The following PTPRQ variants were observed in gnomAD, a reference collection of about 807,000 sequenced individuals.
The protein encoded by PTPRQ is phosphatidylinositol phosphatase PTPRQ.
PTPRQ carries 199 observed loss-of-function variants against 246.0 expected under a neutral mutation model. The ratio of observed to expected loss-of-function variants is 0.81; its 90% CI spans 0.72 to 0.91. The LOEUF (loss-of-function observed/expected upper bound fraction) is 0.91. Ranked by LOEUF, PTPRQ falls within the 40% of genes least tolerant of loss-of-function variation. The probability of loss-of-function intolerance (pLI) is 0.00; values close to 1 mark genes in which losing one functional copy is unlikely to be tolerated. For synonymous variants in PTPRQ, 869 were observed against 853.2 expected (o/e 1.02, Z -0.32); for missense variants, 2,624 against 2,528.4 (o/e 1.04, Z -0.81).
intron 26 of PTPRQ, among the ~76,000 whole-genome samples, chr12:80,590,681 A>AC (rs1897768548): frequency 6.6e-6 from 1 of 150,548 alleles, no homozygotes; most frequent in African/African-American, 2.5e-5. Context: ...AAAAAAAAAA[A>AC]AAAAAAAAAA....
chr12:80,521,047 A>G (rs375144425), intron 17 of PTPRQ, among the ~76,000 whole-genome samples: 53 of 150,718 alleles, frequency 3.5e-4, no homozygotes, highest in Non-Finnish European at 5.5e-4. Context: ...TTTAATGATC[A>G]CCATTCTAAC....
Position 80,444,311 on chromosome 12 carries a change from C to T in PTPRQ, c.-35C>T, listed in dbSNP as rs1892485798. ...AGGCAACATTTCTCTCTAGAGCCAT[C>T]AATGTGATTCTACTGGCTGAAAAAT... On this transcript the variant is annotated 5_prime_UTR_variant, in exon 1 of 45. Transcript: ENST00000644991. 1 of 1,089,564 alleles carries T rather than the reference C, an allele frequency of 9.2e-7. No individual in the cohort carries two copies. The highest frequency in any genetic ancestry group is 1.6e-5 in the African/African-American group (1 of 62,698). 67.5% of individuals were successfully genotyped at this position (1,089,564 alleles called of 1,614,324 possible). A position where few individuals can be genotyped will look rare whatever the true frequency, so the allele number is the denominator to read the frequency against.
At chr12:80,552,630 T>C (rs1321760925) in intron 25 of PTPRQ, among the ~76,000 whole-genome samples, 5 of 37,092 alleles carry the variant, frequency 1.3e-4, no homozygotes, top group African/African-American at 2.9e-4. Context: ...TCCAGGTCTT[T>C]GTAAAAAAAA....
At chr12:80,529,532 G>T (rs1383172412) in intron 17 of PTPRQ, among the ~76,000 whole-genome samples, 3 of 152,004 alleles carry the variant, frequency 2.0e-5, no homozygotes, top group Non-Finnish European at 2.9e-5. Flanking sequence ...CTGTGGTTTG[G>T]GTATTCAGGA....
rs764179518 is a variant in PTPRQ at position 80,493,386 on chromosome 12, A to G, written c.1471A>G (p.Ile491Val). 2 of 1,550,216 alleles carry G rather than the reference A, an allele frequency of 1.3e-6. No homozygotes were observed. The highest frequency in any genetic ancestry group is 1.2e-5 in the South Asian group (1 of 84,014). Residue 491 changes from isoleucine to valine, a missense_variant, in exon 10 of 45, where the codon ATA becomes GTA. Transcript: ENST00000644991. ...SSDLHSLATF[I>V]YNSHPDKNFP... is the part of the protein sequence containing the mutation. ...TGACCTTCACTCACTTGCTACATTT[A>G]TATATAACAGCCATCCAGATAAAAA...
intron 25 of PTPRQ, among the ~76,000 whole-genome samples, chr12:80,581,086 A>G (rs1216937024): frequency 6.6e-6 from 1 of 152,190 alleles, no homozygotes; most frequent in Non-Finnish European, 1.5e-5. Context: ...TCATAGAGGC[A>G]TGGGCATCTA....
At chr12:80,517,921 G>T (rs1380065191) in intron 17 of PTPRQ, among the ~76,000 whole-genome samples, 1 of 152,024 alleles carries the variant, frequency 6.6e-6, no homozygotes, top group African/African-American at 2.4e-5. Flanking sequence ...CTTGGCTATT[G>T]TGAAGAGTAC....
chr12:80,481,924 C>G (rs1280582137), intron 8 of PTPRQ, among the ~76,000 whole-genome samples: 4 of 147,144 alleles, frequency 2.7e-5, no homozygotes, highest in African/African-American at 5.1e-5. Flanking sequence ...TAGGAAGAAT[C>G]AATATCGTGA....
intron 25 of PTPRQ, among the ~76,000 whole-genome samples, chr12:80,579,894 T>A (rs1363567717): frequency 6.6e-6 from 1 of 152,150 alleles, no homozygotes; most frequent in Non-Finnish European, 1.5e-5. Context: ...TTTATAAATA[T>A]AATTCACAAA....
At chr12:80,640,025 CGTGTGTGTGTGTGT>C (rs149812346) in intron 35 of PTPRQ, among the ~76,000 whole-genome samples, 10 of 143,008 alleles carry the variant, frequency 7.0e-5, no homozygotes, top group South Asian at 2.3e-4. Context: ...TGAAGATACA[CGTGTGTGTGTGTGT>C]GTGTGTGTGT....
At chr12:80,526,668 G>T (rs1393110949) in intron 17 of PTPRQ, among the ~76,000 whole-genome samples, 2 of 152,028 alleles carry the variant, frequency 1.3e-5, no homozygotes, top group Admixed American at 6.6e-5. Flanking sequence ...GGAGAGCCAG[G>T]AGTAACAATA....
rs147823616 is a variant in PTPRQ, at chr12:80,556,638, A to G, written c.4285+6904A>G. ...AAATGGCAATTGTACATATCAAAGA[A>G]CATTCCTCTTTTATTGGAAATATCT... On this transcript the variant is annotated intron_variant, in intron 25 of 44. Transcript: ENST00000644991. Among the ~76,000 whole-genome samples, 106 of 152,328 alleles carry G rather than the reference A, an allele frequency of 7.0e-4. 1 individual carries two copies. Among genetic ancestry groups the G allele is most frequent in the African/African-American group, 2.4e-3 (98 of 41,572 alleles).
intron 35 of PTPRQ, among the ~76,000 whole-genome samples, chr12:80,642,918 T>TC (rs1400331385): frequency 0.01 from 724 of 69,362 alleles, 75 homozygotes; most frequent in African/African-American, 0.048. Flanking sequence ...AGACTCCGTC[T>TC]TAAAAAAAAA....
chr12:80,673,070 C>A, intron 42 of PTPRQ, 99 bp from the exon 43 acceptor site: 1 of 1,447,194 alleles, frequency 6.9e-7, no homozygotes, highest in Non-Finnish European at 9.1e-7. Context: ...AGAGAAGAAA[C>A]TATTAGAATT....
intron 10 of PTPRQ, among the ~76,000 whole-genome samples, chr12:80,494,557 T>C (rs1408981759): frequency 6.6e-6 from 1 of 151,952 alleles, no homozygotes; most frequent in East Asian, 1.9e-4. Flanking sequence ...AATATTTCAT[T>C]TATATATTAT....
At chr12:80,618,609 A>G (rs1367843526) in intron 30 of PTPRQ, among the ~76,000 whole-genome samples, 2 of 151,584 alleles carry the variant, frequency 1.3e-5, no homozygotes, top group Admixed American at 6.6e-5. Context: ...AGATCAGTAA[A>G]TAAAGCTCAT....
Position 80,542,285 on chromosome 12 carries a change from A to C in PTPRQ, c.3642A>C (p.Leu1214Phe). The stretch of plus-strand genomic sequence containing the variant: ...TGGAAGAGCTTTCACCATTTACATT[A>C]TATAGCTTTTTTGCTGCCGCAAGAA... ...IILEELSPFTLYSFFAAARTR... is the reference protein window; with the variant it reads ...IILEELSPFTFYSFFAAARTR... The change falls in exon 22 of 45, where the codon TTA (leucine) becomes TTC (phenylalanine). Residue 1214 changes from leucine to phenylalanine, a missense_variant. Leu to Phe is a conservative substitution (Grantham distance 22, BLOSUM62 0). Transcript: ENST00000644991. 1 of 1,550,076 alleles carries C rather than the reference A, an allele frequency of 6.5e-7. No homozygotes were observed. The highest frequency in any genetic ancestry group is 8.7e-7 in the Non-Finnish European group (1 of 1,146,408).
rs1022451383 is a variant in PTPRQ at position 80,546,679 on chromosome 12, T to C, written c.3997T>C (p.Phe1333Leu). 2 of 1,551,260 alleles carry C rather than the reference T, an allele frequency of 1.3e-6. No homozygotes were observed. The highest frequency in any genetic ancestry group is 2.4e-5 in the South Asian group (2 of 83,986). The change falls in exon 24 of 45, where the codon TTC becomes CTC. Residue 1333 changes from phenylalanine to leucine, a missense_variant. Phe to Leu is a conservative substitution (Grantham distance 22). Coordinates refer to ENST00000644991, the MANE Select transcript of PTPRQ (RefSeq NM_001145026.2). Reference sequence around the variant, plus strand: ...CAATCAATTTAGTAATGTAGTAAAATTCACAACCCAAGAATCAGGTTAGAT... The same window carrying C: ...CAATCAATTTAGTAATGTAGTAAAACTCACAACCCAAGAATCAGGTTAGAT... ...NGNQFSNVVKFTTQESVPDVV... is the reference protein window; with the variant it reads ...NGNQFSNVVKLTTQESVPDVV...
intron 25 of PTPRQ, among the ~76,000 whole-genome samples, chr12:80,552,446 A>T (rs1478267220): frequency 6.6e-6 from 1 of 151,662 alleles, no homozygotes; most frequent in Non-Finnish European, 1.5e-5. Flanking sequence ...GGCAGGAGAT[A>T]CTAGGTTGGT....
Sources: gnomAD v4.1 joint callset for allele counts (sites outside exome capture counted in the v4.1 genomes callset) on GRCh38, gnomAD v4.1.1 for gene constraint, MANE v1.5 for transcripts, NCBI Gene and HGNC (gene_info 2026-07-23, HGNC 2026-07-21) for gene names.